Variants in RAB11FIP5 observed in about 807,000 individuals in gnomAD.
RAB11FIP5 encodes rab11 family-interacting protein 5.
RAB11FIP5 carries 48 observed loss-of-function variants against 85.1 expected under a neutral mutation model. That is an observed-to-expected ratio of 0.56 (90% CI 0.45 to 0.72). The LOEUF (loss-of-function observed/expected upper bound fraction) is 0.72. Among genes scored for constraint, RAB11FIP5 ranks in the 30% least tolerant of loss-of-function variants. RAB11FIP5 has a pLI of 0.00. For synonymous variants in RAB11FIP5, 729 were observed against 727.3 expected (o/e 1.00, Z -0.04); for missense variants, 1,491 against 1,687.0 (o/e 0.88, Z 2.04).
rs924277481 is a variant in RAB11FIP5 at position 73,080,777 on chromosome 2, C to G, written c.2455G>C (p.Glu819Gln). 2.4e-6 allele frequency: 3 copies of G among 1,232,360 alleles called. No homozygotes were observed. The African/African-American group carries it at 4.7e-5, about 19-fold the overall frequency. The allele number at this position is 1,232,360 out of a possible 1,614,324, so 76.3% of individuals were successfully genotyped here. Residue 819 changes from glutamate to glutamine, a missense_variant, in exon 4 of 6, where the codon GAA becomes CAA. Glu to Gln is a conservative substitution (Grantham distance 29, BLOSUM62 2). Around this residue, in one of 3 missense-constraint regions of RAB11FIP5, gnomAD observed 1,211 missense variants for 1,338.0 expected, o/e 0.91. Coordinates refer to ENST00000486777, the MANE Select transcript of RAB11FIP5 (RefSeq NM_001371272.1). ...EGQDDESSRGENQLCPDVETA... is the reference protein window; with the variant it reads ...EGQDDESSRGQNQLCPDVETA... Reference sequence around the variant, plus strand: ...TCGACGTCAGGGCAAAGCTGATTTTCGCCTCGGGAGGACTCATCGTCCTGG... The same window carrying G: ...TCGACGTCAGGGCAAAGCTGATTTTGGCCTCGGGAGGACTCATCGTCCTGG...
intron 1 of RAB11FIP5, among the ~76,000 whole-genome samples, chr2:73,095,859 T>G (rs1684308136): frequency 6.6e-6 from 1 of 151,924 alleles, no homozygotes; most frequent in African/African-American, 2.4e-5. Context: ...CCAGACCCCC[T>G]TTCAAAAGGT....
chr2:73,109,092 T>A (rs1684592184), intron 1 of RAB11FIP5, among the ~76,000 whole-genome samples: 1 of 151,838 alleles, frequency 6.6e-6, no homozygotes, highest in Admixed American at 6.6e-5. Context: ...AGAAAATAAA[T>A]CGCAGAGAAG....
At chr2:73,103,029 G>A (rs116681385) in intron 1 of RAB11FIP5, among the ~76,000 whole-genome samples, 2,470 of 152,198 alleles carry the variant, frequency 0.016, 83 homozygotes, top group African/African-American at 0.056. Flanking sequence ...CTCTCCAAGT[G>A]CCCACCACAG....
At chr2:73,079,614 C>G in intron 4 of RAB11FIP5, 37 bp downstream of exon 4, 1 of 1,232,646 alleles carries the variant, frequency 8.1e-7, no homozygotes, top group East Asian at 3.2e-5. Flanking sequence ...TGTCCACCCC[C>G]TTCCTCCTGG....
intron 1 of RAB11FIP5, among the ~76,000 whole-genome samples, chr2:73,093,102 G>T (rs1037615360): frequency 6.6e-6 from 1 of 152,178 alleles, no homozygotes; most frequent in Non-Finnish European, 1.5e-5. Flanking sequence ...CTGTCGAGGG[G>T]GGCTGAGGAA....
intron 1 of RAB11FIP5, among the ~76,000 whole-genome samples, chr2:73,102,003 C>T (rs536727160): frequency 3.9e-5 from 6 of 152,204 alleles, no homozygotes; most frequent in African/African-American, 9.6e-5. Context: ...ACTGACACCA[C>T]AAAAATGCAC....
At chr2:73,092,945 C>T (rs571717654) in intron 1 of RAB11FIP5, among the ~76,000 whole-genome samples, 151 of 152,240 alleles carry the variant, frequency 9.9e-4, no homozygotes, top group Non-Finnish European at 2.1e-3. Flanking sequence ...CAGAGCAGAC[C>T]TTCTCCCAGA....
chr2:73,098,032 C>T (rs1191536846), intron 1 of RAB11FIP5, among the ~76,000 whole-genome samples: 2 of 152,202 alleles, frequency 1.3e-5, no homozygotes, highest in Admixed American at 6.5e-5. Flanking sequence ...TCTTAACAAC[C>T]CTGTGAGGTT....
chr2:73,108,201 A>C (rs1175388415), intron 1 of RAB11FIP5, among the ~76,000 whole-genome samples: 1 of 152,208 alleles, frequency 6.6e-6, no homozygotes, highest in East Asian at 1.9e-4. Flanking sequence ...GCAGGCCACA[A>C]TTCATGGTCA....
rs1683807040 is a variant in RAB11FIP5, at chr2:73,074,347, TGCCTGCCC to T, written c.*1166_*1173del. The T allele has an allele frequency of 6.6e-6, 1 of 152,324 alleles. No homozygotes were observed. Among genetic ancestry groups the T allele is most frequent in the Non-Finnish European group, 1.5e-5 (1 of 68,142 alleles). 9.4% of individuals were successfully genotyped at this position (152,324 alleles called of 1,614,324 possible). A position where few individuals can be genotyped will look rare whatever the true frequency, so the allele number is the denominator to read the frequency against. On this transcript the variant is annotated 3_prime_UTR_variant, in exon 6 of 6. Transcript: ENST00000486777. ...AGAGTGAGCAGGGCAGCCCCAGGCC[TGCCTGCCC>T]GCCTGCCCAGCAGTGTTTATCCTGG...
chr2:73,104,998 C>G (rs986115087), intron 1 of RAB11FIP5, among the ~76,000 whole-genome samples: 7 of 152,218 alleles, frequency 4.6e-5, no homozygotes, highest in Admixed American at 4.6e-4. Context: ...CCAGTAATTG[C>G]TTCCTGGATG....
chr2:73,110,157 A>C (rs2106127215), intron 1 of RAB11FIP5, among the ~76,000 whole-genome samples: 1 of 152,284 alleles, frequency 6.6e-6, no homozygotes, highest in African/African-American at 2.4e-5. Flanking sequence ...ACCTGAGACC[A>C]CCACAGCCAA....
At chr2:73,076,794 C>T (rs1001052735) in intron 4 of RAB11FIP5, among the ~76,000 whole-genome samples, 4 of 152,148 alleles carry the variant, frequency 2.6e-5, no homozygotes, top group Admixed American at 2.0e-4. Flanking sequence ...CAAGCCTCTC[C>T]GCAGCAGCAT....
intron 3 of RAB11FIP5, 87 bp downstream of exon 3, chr2:73,087,963 T>C: frequency 7.6e-7 from 1 of 1,317,618 alleles, no homozygotes; most frequent in Non-Finnish European, 1.1e-6. Flanking sequence ...GGTCCATATC[T>C]ACTCCTTCCT....
rs1559230126 is a variant in RAB11FIP5 at position 73,073,792 on chromosome 2, G to A, written c.*1729C>T. On this transcript the variant is annotated 3_prime_UTR_variant, in exon 6 of 6. Transcript: ENST00000486777. ...ACTTTTCTCAGATTTGATGAGTGGA[G>A]TTTAAGGTAGGTAACGTTACAGGGG... 1 of 152,228 alleles carries A rather than the reference G, an allele frequency of 6.6e-6. No homozygotes were observed. Among genetic ancestry groups the A allele is most frequent in the East Asian group, 1.9e-4 (1 of 5,204 alleles). 9.4% of individuals were successfully genotyped at this position (152,228 alleles called of 1,614,324 possible). A position where few individuals can be genotyped will look rare whatever the true frequency, so the allele number is the denominator to read the frequency against.
chr2:73,074,187 G>C lies in RAB11FIP5; in HGVS notation c.*1334C>G, dbSNP rs1350176469. On this transcript the variant is annotated 3_prime_UTR_variant, in exon 6 of 6. Coordinates refer to ENST00000486777, the MANE Select transcript of RAB11FIP5 (RefSeq NM_001371272.1). ...GGGGCAGAAGGGACAGGCTGAGATA[G>C]CAGCTTAATGGATGGATGGGAGGAC... The C allele has an allele frequency of 6.6e-6, 1 of 152,308 alleles. No homozygotes were observed. Among genetic ancestry groups the C allele is most frequent in the Non-Finnish European group, 1.5e-5 (1 of 68,078 alleles). The allele number at this position is 152,308 out of a possible 1,614,324, so 9.4% of individuals were successfully genotyped here.
Position 73,089,450 on chromosome 2 carries a change from G to T in RAB11FIP5, c.432-135C>A. ...GCCTCTCCCCAAAGGCTCCTGCTCT[G>T]ACCCATCGGCCTGGGCTTCCAGGCT... On this transcript the variant is annotated intron_variant, in intron 1 of 5. Coordinates refer to ENST00000486777, the MANE Select transcript of RAB11FIP5 (RefSeq NM_001371272.1). This position sits in a 1 kb window ranked among gnomAD's most constrained non-coding sequence, Gnocchi z 4.6. The T allele has an allele frequency of 1.1e-6, 1 of 900,604 alleles. No individual in the cohort carries two copies. Among genetic ancestry groups the T allele is most frequent in the Non-Finnish European group, 1.8e-6 (1 of 544,138 alleles). 55.8% of individuals were successfully genotyped at this position (900,604 alleles called of 1,614,324 possible). A position where few individuals can be genotyped will look rare whatever the true frequency, so the allele number is the denominator to read the frequency against.
At chr2:73,079,221 C>T (rs1683919084) in intron 4 of RAB11FIP5, among the ~76,000 whole-genome samples, 1 of 152,172 alleles carries the variant, frequency 6.6e-6, no homozygotes, top group Non-Finnish European at 1.5e-5. Flanking sequence ...TGCCAGCCTG[C>T]TCTGCCACGG....
chr2:73,093,503 C>T (rs1296563945), intron 1 of RAB11FIP5, among the ~76,000 whole-genome samples: 1 of 152,236 alleles, frequency 6.6e-6, no homozygotes, highest in Admixed American at 6.5e-5. Flanking sequence ...AGAAATCATG[C>T]ATGCACAGTC....
Sources: gnomAD v4.1 joint callset for allele counts (sites outside exome capture counted in the v4.1 genomes callset) on GRCh38, gnomAD v4.1.1 for gene constraint, gnomAD v4.1.1 regional missense constraint, Gnocchi (gnomAD v3.1) non-coding constraint, MANE v1.5 for transcripts, NCBI Gene and HGNC (gene_info 2026-07-23, HGNC 2026-07-21) for gene names.